The following F13A1 variants were observed in gnomAD, a reference collection of about 807,000 sequenced individuals.
F13A1 encodes the protein coagulation factor XIII A chain, also known as FSF, A subunit.
In F13A1, 47 loss-of-function variants were observed where a neutral mutation model predicts 80.1. That is an observed-to-expected ratio of 0.59 (90% CI 0.46 to 0.75). F13A1 has a LOEUF of 0.75. F13A1 is among the 30% of genes least tolerant of loss of function. F13A1 has a pLI of 0.00. For missense variants in F13A1, 817 were observed against 930.4 expected (o/e 0.88, Z 1.59); for synonymous variants, 349 against 344.9 (o/e 1.01, Z -0.13).
At chr6:6,155,927 T>C (rs879802790) in intron 13 of F13A1, among the ~76,000 whole-genome samples, 2 of 152,246 alleles carry the variant, frequency 1.3e-5, no homozygotes, top group Non-Finnish European at 2.9e-5. Flanking sequence ...ATTTTCACAG[T>C]CATATTTTTC....
intron 3 of F13A1, among the ~76,000 whole-genome samples, chr6:6,284,205 T>C (rs536356336): frequency 1.3e-5 from 2 of 152,240 alleles, no homozygotes; most frequent in South Asian, 4.1e-4. Flanking sequence ...ATGAATCATC[T>C]TTATTTTTAA....
chr6:6,257,075 C>A (rs1228354488), intron 4 of F13A1, among the ~76,000 whole-genome samples: 1 of 152,194 alleles, frequency 6.6e-6, no homozygotes, highest in Non-Finnish European at 1.5e-5. Flanking sequence ...GATTAGGAAT[C>A]ACTTACACTT....
At chr6:6,268,745 G>C (rs1757879230) in intron 3 of F13A1, among the ~76,000 whole-genome samples, 1 of 149,260 alleles carries the variant, frequency 6.7e-6, no homozygotes, top group African/African-American at 2.5e-5. Context: ...CTGGAGTGCA[G>C]TGGCATAGTC....
chr6:6,266,039 T>C (rs1447857019), intron 4 of F13A1, among the ~76,000 whole-genome samples: 2 of 152,200 alleles, frequency 1.3e-5, no homozygotes, highest in Non-Finnish European at 2.9e-5. Context: ...TTAGACAATC[T>C]CCAATTAATC....
At chr6:6,168,892 C>T (rs139182605) in intron 12 of F13A1, among the ~76,000 whole-genome samples, 88 of 152,284 alleles carry the variant, frequency 5.8e-4, no homozygotes, top group African/African-American at 2.1e-3. Flanking sequence ...CTCACACCTG[C>T]GATGGATCTG....
intron 10 of F13A1, among the ~76,000 whole-genome samples, chr6:6,189,773 C>G (rs1761148512): frequency 6.6e-6 from 1 of 150,490 alleles, no homozygotes; most frequent in Admixed American, 6.7e-5. Flanking sequence ...GTTGGCCTGC[C>G]TTGCTAGATT....
rs57716665 is a variant in F13A1 at position 6,316,078 on chromosome 6, CATATATAT to C, written c.130+2449_130+2456del. Among the ~76,000 whole-genome samples, 180 of 34,880 alleles carry C rather than the reference CATATATAT, an allele frequency of 5.2e-3. 6 individuals are homozygous for C. The highest frequency in any genetic ancestry group is 6.4e-3 in the African/African-American group (92 of 14,412). 22.9% of individuals were successfully genotyped at this position (34,880 alleles called of 152,430 possible). A position where few individuals can be genotyped will look rare whatever the true frequency, so the allele number is the denominator to read the frequency against. On this transcript the variant is annotated intron_variant, in intron 2 of 14. Coordinates refer to ENST00000264870, the MANE Select transcript of F13A1 (RefSeq NM_000129.4). ...GTTTGTGTGCTGCTATGTGTGTGTG[CATATATAT>C]ATATATATATATATATATATATATA...
At chr6:6,186,661 C>T (rs1224789217) in intron 10 of F13A1, among the ~76,000 whole-genome samples, 5 of 152,148 alleles carry the variant, frequency 3.3e-5, no homozygotes, top group Non-Finnish European at 5.9e-5. Context: ...TAGTGTGATG[C>T]CTCCAGCTTT....
At chr6:6,281,993 CAAAAAAAAAAAA>C (rs10584369) in intron 3 of F13A1, among the ~76,000 whole-genome samples, 1 of 93,396 alleles carries the variant, frequency 1.1e-5, no homozygotes, top group Non-Finnish European at 2.1e-5. Flanking sequence ...GACTCCGTCT[CAAAAAAAAAAAA>C]AAAAAAAAAA....
rs566248666 is a variant in F13A1 at position 6,235,217 on chromosome 6, C to T, written c.799-10357G>A. Among the ~76,000 whole-genome samples the T allele has an allele frequency of 7.1e-4, 108 of 152,032 alleles. 1 individual carries two copies. Among genetic ancestry groups the T allele is most frequent in the African/African-American group, 2.5e-3 (102 of 41,520 alleles). ...GAAGCAAAGGAGAAAATTGTGTGAT[C>T]TTAGGTTAGGCAGTTTCCTTAGATA... On this transcript the variant is annotated intron_variant, in intron 6 of 14. Transcript: ENST00000264870.
intron 3 of F13A1, among the ~76,000 whole-genome samples, chr6:6,269,617 G>A (rs1193792546): frequency 2.0e-5 from 3 of 151,930 alleles, no homozygotes; most frequent in Non-Finnish European, 2.9e-5. Context: ...AGTTGTTAAT[G>A]ATCAATGTAA....
intron 10 of F13A1, among the ~76,000 whole-genome samples, chr6:6,183,517 G>A (rs141287520): frequency 6.6e-5 from 10 of 152,248 alleles, no homozygotes; most frequent in South Asian, 4.1e-4. Flanking sequence ...AAAAATAGAC[G>A]CCTGATTAAG....
At position 6,250,964 on chromosome 6, in the gene F13A1, A is replaced by C. The variant is rs552963534; in HGVS notation, c.572-35T>G. On this transcript the variant is annotated intron_variant, in intron 4 of 14. Coordinates refer to ENST00000264870, the MANE Select transcript of F13A1 (RefSeq NM_000129.4). This position sits in a 1 kb window ranked among gnomAD's most constrained non-coding sequence, Gnocchi z 4.2. The stretch of plus-strand genomic sequence containing the variant: ...GGTTTAAACATAGTGACTATTACCA[A>C]ACCAGACTGTTTCCAAACACTTGCA... The C allele has an allele frequency of 1.8e-5, 26 of 1,418,138 alleles. 1 individual carries two copies. In the South Asian group the frequency reaches 3.0e-4, roughly 16 times the overall value. 87.8% of individuals were successfully genotyped at this position (1,418,138 alleles called of 1,614,324 possible). A position where few individuals can be genotyped will look rare whatever the true frequency, so the allele number is the denominator to read the frequency against.
chr6:6,253,587 T>C (rs1414674787), intron 4 of F13A1, among the ~76,000 whole-genome samples: 1 of 152,172 alleles, frequency 6.6e-6, no homozygotes, highest in African/African-American at 2.4e-5. Flanking sequence ...AGCTGGCTAG[T>C]CAAGCCCAGT....
At chr6:6,318,796 G>C in intron 1 of F13A1, 114 bp from the exon 2 acceptor site, 1 of 1,150,864 alleles carries the variant, frequency 8.7e-7, no homozygotes, top group Non-Finnish European at 1.3e-6. Flanking sequence ...TAGCACTTGA[G>C]CAACACATTT....
At chr6:6,221,990 C>T (rs773980891) in intron 8 of F13A1, 43 bp downstream of exon 8, 2 of 1,600,728 alleles carry the variant, frequency 1.2e-6, no homozygotes, top group Non-Finnish European at 1.7e-6. Context: ...TGTAACATTA[C>T]TATAATGTGA....
At chr6:6,270,407 G>C (rs1317973188) in intron 3 of F13A1, among the ~76,000 whole-genome samples, 1 of 152,162 alleles carries the variant, frequency 6.6e-6, no homozygotes, top group African/African-American at 2.4e-5. Context: ...AGGGGGTGTT[G>C]AAAACATAGG....
chr6:6,176,543 G>C (rs1344466326), intron 11 of F13A1, among the ~76,000 whole-genome samples: 1 of 152,120 alleles, frequency 6.6e-6, no homozygotes, highest in Non-Finnish European at 1.5e-5. Context: ...TGAATGTGTA[G>C]TGTGTGTGTG....
chr6:6,231,546 C>A (rs1013602186), intron 6 of F13A1, among the ~76,000 whole-genome samples: 1 of 152,120 alleles, frequency 6.6e-6, no homozygotes, highest in Non-Finnish European at 1.5e-5. Flanking sequence ...TGCTAGAGAC[C>A]TAGACATCCA....
Sources: gnomAD v4.1 joint callset for allele counts (sites outside exome capture counted in the v4.1 genomes callset) on GRCh38, gnomAD v4.1.1 for gene constraint, Gnocchi (gnomAD v3.1) non-coding constraint, MANE v1.5 for transcripts, NCBI Gene and HGNC (gene_info 2026-07-23, HGNC 2026-07-21) for gene names.